RAP1B: variants seen among roughly 807,000 people sequenced by gnomAD.
The protein encoded by RAP1B is RAP1B, member of RAS oncogene family, also known as ras-related protein Rap-1b.
Under a neutral mutation model 27.5 loss-of-function variants are expected in RAP1B, and 1 was observed. The observed-to-expected ratio is 0.04, with a 90% CI of 0.01 to 0.17. RAP1B has a LOEUF of 0.17. RAP1B is among the 10% of genes least tolerant of loss of function. The pLI, the probability that RAP1B is intolerant of heterozygous loss-of-function variation, is 1.00. For synonymous variants in RAP1B, 75 were observed against 73.1 expected (o/e 1.03, Z -0.13); for missense variants, 84 against 214.8 (o/e 0.39, Z 3.81).
rs1555174393 is a variant in RAP1B at position 68,665,873 on chromosome 12, T to TA, written c.*6624_*6625insA. ...AACAAGACATCTTTTTTTTTTTTTTTGAGAGAGTCTGGCTCTGTCACCCAG... is the reference window on the plus strand; with the variant it reads ...AACAAGACATCTTTTTTTTTTTTTTTAGAGAGAGTCTGGCTCTGTCACCCAG... On this transcript the variant is annotated 3_prime_UTR_variant, in exon 8 of 8. Transcript: ENST00000250559. 2 of 151,396 alleles carry TA rather than the reference T, an allele frequency of 1.3e-5. No homozygotes were observed. Among genetic ancestry groups the TA allele is most frequent in the African/African-American group, 4.9e-5 (2 of 40,898 alleles). 9.4% of individuals were successfully genotyped at this position (151,396 alleles called of 1,614,324 possible).
chr12:68,622,981 C>T (rs969259385), intron 1 of RAP1B, among the ~76,000 whole-genome samples: 2 of 152,274 alleles, frequency 1.3e-5, no homozygotes, highest in East Asian at 1.9e-4. Context: ...GATTTACAGG[C>T]GTGAGCCACC....
At chr12:68,611,239 C>T (rs1052315699) in intron 1 of RAP1B, among the ~76,000 whole-genome samples, 196 bp downstream of exon 1, 3 of 148,196 alleles carry the variant, frequency 2.0e-5, no homozygotes, top group East Asian at 2.0e-4. Context: ...AGCGCGCTGC[C>T]TTGCGGGCCG....
chr12:68,624,313 T>G (rs889685164), intron 1 of RAP1B, among the ~76,000 whole-genome samples: 49 of 152,206 alleles, frequency 3.2e-4, no homozygotes, highest in Non-Finnish European at 5.9e-4. Flanking sequence ...AACATTTTTT[T>G]AAATGTTTAA....
intron 1 of RAP1B, chr12:68,642,727 C>A: frequency 1.8e-6 from 2 of 1,083,300 alleles, no homozygotes; most frequent in Admixed American, 1.7e-5. Context: ...CTTCGGCATC[C>A]ACCTGCGCAG....
At chr12:68,658,798 G>C (rs1874410113) in intron 7 of RAP1B, among the ~76,000 whole-genome samples, 2 of 152,164 alleles carry the variant, frequency 1.3e-5, no homozygotes, top group African/African-American at 4.8e-5. Flanking sequence ...GAAAGAGTGA[G>C]GAAGAACTTG....
chr12:68,632,279 G>A (rs1872324817), intron 1 of RAP1B, among the ~76,000 whole-genome samples: 1 of 151,720 alleles, frequency 6.6e-6, no homozygotes, highest in Non-Finnish European at 1.5e-5. Flanking sequence ...GACTACAGGT[G>A]TGTGTGAACA....
At chr12:68,619,514 A>C (rs1013598663) in intron 1 of RAP1B, among the ~76,000 whole-genome samples, 3 of 152,232 alleles carry the variant, frequency 2.0e-5, no homozygotes, top group African/African-American at 4.8e-5. Flanking sequence ...AATGTTATAG[A>C]GAACATAAAA....
intron 3 of RAP1B, 143 bp from the exon 4 acceptor site, chr12:68,651,852 T>G (rs777370982): frequency 3.4e-6 from 2 of 590,758 alleles, no homozygotes; most frequent in Non-Finnish European, 6.1e-6. Flanking sequence ...TTCCTCCTGC[T>G]TTGTTGAAGT....
At chr12:68,646,359 G>A (rs758055167) in intron 1 of RAP1B, among the ~76,000 whole-genome samples, 8 of 151,658 alleles carry the variant, frequency 5.3e-5, no homozygotes, top group Admixed American at 3.3e-4. Context: ...GCAGTGGCAC[G>A]ATCTCAGCTT....
intron 6 of RAP1B, 51 bp from the exon 7 acceptor site, chr12:68,657,050 G>T: frequency 3.5e-6 from 5 of 1,410,392 alleles, no homozygotes; most frequent in Non-Finnish European, 4.0e-6. Context: ...TTTTTCATTG[G>T]GGGGGATAGG....
intron 1 of RAP1B, among the ~76,000 whole-genome samples, chr12:68,631,113 C>T (rs549065143): frequency 6.6e-6 from 1 of 152,090 alleles, no homozygotes; most frequent in South Asian, 2.1e-4. Context: ...ATATTAGATG[C>T]CATGGTATCA....
At chr12:68,613,197 T>C (rs749942979) in intron 1 of RAP1B, among the ~76,000 whole-genome samples, 1 of 151,936 alleles carries the variant, frequency 6.6e-6, no homozygotes, top group Non-Finnish European at 1.5e-5. Context: ...CCGTCTTTAC[T>C]AAAAATACAA....
chr12:68,613,174 A>G (rs956619326), intron 1 of RAP1B, among the ~76,000 whole-genome samples: 1 of 152,116 alleles, frequency 6.6e-6, no homozygotes, highest in African/African-American at 2.4e-5. Flanking sequence ...AGCCTGGGCA[A>G]CATGGTGAAA....
chr12:68,613,953 A>G (rs552679254), intron 1 of RAP1B, among the ~76,000 whole-genome samples: 2 of 152,348 alleles, frequency 1.3e-5, no homozygotes, highest in South Asian at 2.1e-4. Context: ...ACCCCCTCCC[A>G]TAATAAAGAG....
intron 1 of RAP1B, among the ~76,000 whole-genome samples, chr12:68,646,098 G>T (rs774331895): frequency 6.6e-6 from 1 of 152,196 alleles, no homozygotes; most frequent in Non-Finnish European, 1.5e-5. Context: ...ACTAAGAAGT[G>T]TAGCTCCCAC....
intron 1 of RAP1B, among the ~76,000 whole-genome samples, chr12:68,623,676 A>G (rs1162342993): frequency 6.6e-6 from 1 of 152,244 alleles, no homozygotes; most frequent in Non-Finnish European, 1.5e-5. Context: ...CCACCAACAT[A>G]GTTATAGAAC....
chr12:68,659,485 C>T lies in RAP1B; in HGVS notation c.*236C>T. On this transcript the variant is annotated 3_prime_UTR_variant, in exon 8 of 8. Transcript: ENST00000250559. ...GTCCTAGAGTTTGCAGCTGGTAAAA[C>T]CAGAGGCTACATCCAGTATTACTGC... 2.9e-6 allele frequency: 1 copy of T among 344,062 alleles called. No homozygotes were observed. The highest frequency in any genetic ancestry group is 2.3e-5 in the South Asian group (1 of 43,666). 21.3% of individuals were successfully genotyped at this position (344,062 alleles called of 1,614,324 possible). A position where few individuals can be genotyped will look rare whatever the true frequency, so the allele number is the denominator to read the frequency against.
chr12:68,637,609 A>AC (rs1414365992), intron 1 of RAP1B, among the ~76,000 whole-genome samples: 2 of 148,978 alleles, frequency 1.3e-5, no homozygotes, highest in East Asian at 3.9e-4. Context: ...CAAAAAAAAA[A>AC]AAAAAAAAAA....
intron 1 of RAP1B, among the ~76,000 whole-genome samples, chr12:68,613,153 A>G (rs1870728171): frequency 6.6e-6 from 1 of 152,154 alleles, no homozygotes; most frequent in South Asian, 2.1e-4. Context: ...TGAGGTGAAG[A>G]GTTCGAGAAC....
Sources: allele counts gnomAD v4.1 joint callset (sites outside exome capture counted in the v4.1 genomes callset), GRCh38; gene constraint gnomAD v4.1.1; transcripts MANE v1.5; gene names NCBI Gene and HGNC (gene_info 2026-07-23, HGNC 2026-07-21).